The following CEP290 variants were observed in gnomAD, a reference collection of about 807,000 sequenced individuals.
CEP290 encodes the protein centrosomal protein of 290 kDa.
In CEP290, 317 loss-of-function variants were observed where a neutral mutation model predicts 344.9. The observed-to-expected ratio is 0.92, with a 90% CI of 0.84 to 1.01. The LOEUF is 1.01. Ranked by LOEUF, CEP290 falls within the 50% of genes least tolerant of loss-of-function variation. The pLI is 0.00. For missense variants in CEP290, 2,754 were observed against 2,761.4 expected, an observed-to-expected ratio of 1.00 and a Z score of 0.06; for synonymous variants, 932 against 895.8, an observed-to-expected ratio of 1.04 and a Z score of -0.72.
At chr12:88,064,164 G>A in intron 44 of CEP290, 49 bp from the exon 45 acceptor site, 2 of 1,444,848 alleles carry the variant, frequency 1.4e-6, no homozygotes, top group South Asian at 1.4e-5. Context: ...ATAAATAAAA[G>A]CCATAAAAGA....
chr12:88,120,039 TAAAC>T (rs1019747354), intron 15 of CEP290, 71 bp downstream of exon 15: 12 of 925,556 alleles, frequency 1.3e-5, no homozygotes, highest in East Asian at 9.2e-5. Flanking sequence ...TAAATAATAA[TAAAC>T]AAAATTTAAA....
At chr12:88,139,405 T>A in intron 4 of CEP290, 90 bp downstream of exon 4, 1 of 724,438 alleles carries the variant, frequency 1.4e-6, no homozygotes, top group Non-Finnish European at 2.0e-6. Context: ...ATATATATAT[T>A]TTATAGAATA....
intron 13 of CEP290, among the ~76,000 whole-genome samples, chr12:88,124,974 A>G (rs2039642547): frequency 6.6e-6 from 1 of 152,040 alleles, no homozygotes; most frequent in Non-Finnish European, 1.5e-5. Flanking sequence ...AAATAATTGT[A>G]TCACAATTTT....
At chr12:88,080,109 T>C in intron 38 of CEP290, 73 bp downstream of exon 38, 2 of 986,012 alleles carry the variant, frequency 2.0e-6, no homozygotes, top group Non-Finnish European at 3.0e-6. Flanking sequence ...CTTTTATAAA[T>C]TTACAAATCT....
Position 88,096,991 on chromosome 12 carries a change from G to A in CEP290, c.3000C>T (p.Asn1000=), listed in dbSNP as rs551610750. The A allele has an allele frequency of 1.3e-6, 2 of 1,514,714 alleles. No homozygotes were observed. Among genetic ancestry groups the A allele is most frequent in the South Asian group, 2.5e-5 (2 of 80,586 alleles). The allele number at this position is 1,514,714 out of a possible 1,614,324, so 93.8% of individuals were successfully genotyped here. A position where few individuals can be genotyped will look rare whatever the true frequency, so the allele number is the denominator to read the frequency against. The change falls in exon 27 of 54, where the codon AAC becomes AAT. Residue 1000 remains asparagine (N), a synonymous_variant. Transcript: ENST00000552810. ...TSNLEHLECE[N]ISLKEQVESI... The stretch of plus-strand genomic sequence containing the variant: ...ACTCCACTTGTTCTTTTAAGGAGAT[G>A]TTTTCACACTGAATAAAGGAAAAAT...
At chr12:88,082,724 T>A (rs892300195) in intron 37 of CEP290, among the ~76,000 whole-genome samples, 1 of 152,024 alleles carries the variant, frequency 6.6e-6, no homozygotes, top group African/African-American at 2.4e-5. Context: ...AAGATGAAAC[T>A]GAGGCTCAAA....
intron 52 of CEP290, among the ~76,000 whole-genome samples, chr12:88,052,541 C>G (rs893215915): frequency 3.3e-5 from 5 of 152,142 alleles, no homozygotes; most frequent in Non-Finnish European, 7.4e-5. Flanking sequence ...ACAAAGTATT[C>G]TCTATCCATA....
intron 32 of CEP290, among the ~76,000 whole-genome samples, chr12:88,086,985 T>C (rs1330035767): frequency 6.6e-6 from 1 of 152,192 alleles, no homozygotes; most frequent in Non-Finnish European, 1.5e-5. Flanking sequence ...TGTTGTATAT[T>C]AGGTGGCTGG....
intron 32 of CEP290, 38 bp downstream of exon 32, chr12:88,087,742 A>C (rs892651359): frequency 2.1e-5 from 17 of 814,702 alleles, no homozygotes; most frequent in Non-Finnish European, 2.4e-5. Context: ...AAAAAAAAAA[A>C]ACTTAGGGAA....
At chr12:88,084,065 G>A (rs761545514) in intron 35 of CEP290, 111 bp from the exon 36 acceptor site, 185 of 685,094 alleles carry the variant, frequency 2.7e-4, no homozygotes, top group Non-Finnish European at 4.3e-4. Context: ...TTGAGATGAG[G>A]AAGAAACAGT....
At chr12:88,127,118 AT>A (rs2039782618) in intron 11 of CEP290, among the ~76,000 whole-genome samples, 1 of 4,316 alleles carries the variant, frequency 2.3e-4, no homozygotes, top group African/African-American at 2.7e-4. Flanking sequence ...TCAATAAAAG[AT>A]GTTTGGACAA....
intron 26 of CEP290, among the ~76,000 whole-genome samples, chr12:88,101,799 G>A (rs946004599): frequency 6.6e-5 from 10 of 152,152 alleles, no homozygotes; most frequent in Admixed American, 1.3e-4. Context: ...ATAGGACAGA[G>A]GACATGGAGA....
intron 17 of CEP290, among the ~76,000 whole-genome samples, chr12:88,117,845 G>A (rs1374815569): frequency 6.6e-6 from 1 of 151,706 alleles, no homozygotes; most frequent in Non-Finnish European, 1.5e-5. Context: ...GACCAGCCTG[G>A]GCCAACATGG....
In CEP290 at chr12:88,139,191, T is replaced by C; in HGVS notation, c.251A>G (p.Glu84Gly). Residue 84 changes from glutamate to glycine, a missense_variant and splice_region_variant, in exon 5 of 54, where the codon GAA becomes GGA. Coordinates refer to ENST00000552810, the MANE Select transcript of CEP290 (RefSeq NM_025114.4). ...EKAGEEQAKF[E>G]NQLKTKVMKL... ...CATTACTTTAGTTTTTAATTGATTT[T>C]CTATTTTTTTAAAAAAAAAGAAAAA... 2 of 1,133,636 alleles carry C rather than the reference T, an allele frequency of 1.8e-6. No homozygotes were observed. Among genetic ancestry groups the C allele is most frequent in the Non-Finnish European group, 1.2e-6 (1 of 821,472 alleles). The allele number at this position is 1,133,636 out of a possible 1,614,324, so 70.2% of individuals were successfully genotyped here.
intron 25 of CEP290, among the ~76,000 whole-genome samples, chr12:88,106,123 T>C (rs2038257964): frequency 1.3e-5 from 2 of 152,160 alleles, no homozygotes; most frequent in Non-Finnish European, 2.9e-5. Flanking sequence ...CTTGAAGTGA[T>C]GCAATATAAA....
chr12:88,117,838 C>T (rs2039147460), intron 17 of CEP290, among the ~76,000 whole-genome samples: 1 of 151,954 alleles, frequency 6.6e-6, no homozygotes, highest in Non-Finnish European at 1.5e-5. Context: ...AGTTCAAGAC[C>T]AGCCTGGGCC....
intron 39 of CEP290, among the ~76,000 whole-genome samples, 167 bp downstream of exon 39, chr12:88,078,925 C>T (rs2035983370): frequency 6.6e-6 from 1 of 152,066 alleles, no homozygotes; most frequent in Admixed American, 6.6e-5. Context: ...AAATGAGTAT[C>T]ATAAAGAGAC....
chr12:88,118,217 T>C (rs2039176534), intron 17 of CEP290, among the ~76,000 whole-genome samples: 1 of 152,066 alleles, frequency 6.6e-6, no homozygotes, highest in African/African-American at 2.4e-5. Context: ...CTATAAAACT[T>C]TTCAAAAATT....
intron 6 of CEP290, chr12:88,136,081 T>C (rs1381545706): frequency 6.6e-6 from 1 of 152,166 alleles, no homozygotes; most frequent in Non-Finnish European, 1.5e-5. Context: ...TAATAAAAAC[T>C]ATGCATTAAA....
Sources: allele counts gnomAD v4.1 joint callset (sites outside exome capture counted in the v4.1 genomes callset), GRCh38; gene constraint gnomAD v4.1.1; transcripts MANE v1.5; gene names NCBI Gene and HGNC (gene_info 2026-07-23, HGNC 2026-07-21).